Variants in MACROD2 observed in about 807,000 individuals in gnomAD.
The protein encoded by MACROD2 is mono-ADP ribosylhydrolase 2.
MACROD2 carries 36 observed loss-of-function variants against 70.4 expected under a neutral mutation model. That is an observed-to-expected ratio of 0.51 (90% confidence interval 0.39 to 0.68). The LOEUF is 0.68. Ranked by LOEUF, MACROD2 falls within the 30% of genes least tolerant of loss-of-function variation. MACROD2 has a pLI of 0.00. For synonymous variants in MACROD2, 172 were observed against 178.8 expected (o/e 0.96, Z 0.30); for missense variants, 496 against 538.4 (o/e 0.92, Z 0.78).
intron 8 of MACROD2, among the ~76,000 whole-genome samples, chr20:15,646,344 A>G (rs1428864392): frequency 6.6e-6 from 1 of 152,192 alleles, no homozygotes; most frequent in African/African-American, 2.4e-5. Context: ...CATAAATAGT[A>G]TGGGGACATA....
chr20:14,973,940 A>G (rs984542513), intron 5 of MACROD2, among the ~76,000 whole-genome samples: 2 of 152,240 alleles, frequency 1.3e-5, no homozygotes, highest in Non-Finnish European at 2.9e-5. Context: ...CCAAAAAGAA[A>G]GAACATTCAC....
chr20:14,713,940 G>A (rs1442065663), intron 5 of MACROD2, among the ~76,000 whole-genome samples: 1 of 152,130 alleles, frequency 6.6e-6, no homozygotes, highest in Non-Finnish European at 1.5e-5. Flanking sequence ...TTTAGACAGG[G>A]AGAACAGAGG....
intron 13 of MACROD2, among the ~76,000 whole-genome samples, chr20:15,978,237 AC>A (rs1347126850): frequency 6.6e-6 from 1 of 151,736 alleles, no homozygotes; most frequent in East Asian, 1.9e-4. Flanking sequence ...CCCCAGGACC[AC>A]CCCCCTCCCC....
intron 8 of MACROD2, among the ~76,000 whole-genome samples, chr20:15,649,427 C>G (rs957685754): frequency 1.3e-5 from 2 of 151,958 alleles, no homozygotes; most frequent in Non-Finnish European, 2.9e-5. Context: ...CAGTAAAGAC[C>G]ATGCAAGTTC....
chr20:15,271,695 C>T (rs1397260928), intron 6 of MACROD2, among the ~76,000 whole-genome samples: 5 of 152,062 alleles, frequency 3.3e-5, no homozygotes, highest in African/African-American at 9.7e-5. Context: ...TAGGTGAACC[C>T]TACATTTCTA....
rs57212358 is a variant in MACROD2, at chr20:15,759,145, CAAAAAAA to C, written c.646-103585_646-103579del. 2.1e-3 allele frequency among the ~76,000 whole-genome samples: 126 copies of C among 58,928 alleles called. 1 individual carries two copies. The highest frequency in any genetic ancestry group is 8.5e-3 in the African/African-American group (123 of 14,536). 38.7% of individuals were successfully genotyped at this position (58,928 alleles called of 152,430 possible). ...TGGGTGACAGAGCAAGACTCCATCT[CAAAAAAA>C]AAAAAAAAAAAAAACAGAAATGGAC... On this transcript the variant is annotated intron_variant, in intron 8 of 17. Coordinates refer to ENST00000684519, the MANE Select transcript of MACROD2 (RefSeq NM_001351661.2).
chr20:15,106,017 ACTTAG>A (rs1052151567), intron 5 of MACROD2, among the ~76,000 whole-genome samples: 4 of 152,206 alleles, frequency 2.6e-5, no homozygotes, highest in Admixed American at 2.0e-4. Flanking sequence ...TGAATGTGTT[ACTTAG>A]CTTAATTTAA....
intron 7 of MACROD2, among the ~76,000 whole-genome samples, chr20:15,471,692 C>T (rs1271070706): frequency 6.6e-6 from 1 of 152,022 alleles, no homozygotes; most frequent in Admixed American, 6.6e-5. Context: ...TCTTTTCCAC[C>T]ACATTTTTTT....
At chr20:16,016,550 T>C (rs1319456359) in intron 15 of MACROD2, among the ~76,000 whole-genome samples, 9 of 152,224 alleles carry the variant, frequency 5.9e-5, no homozygotes, top group Admixed American at 5.9e-4. Context: ...GGGGTTTTTT[T>C]GTTTGTTTTT....
At chr20:14,913,040 A>G (rs1400709397) in intron 5 of MACROD2, among the ~76,000 whole-genome samples, 1 of 152,104 alleles carries the variant, frequency 6.6e-6, no homozygotes, top group African/African-American at 2.4e-5. Context: ...AATAAAGATG[A>G]AAATGAGGGT....
chr20:14,920,879 A>G (rs1406606728), intron 5 of MACROD2, among the ~76,000 whole-genome samples: 2 of 152,176 alleles, frequency 1.3e-5, no homozygotes, highest in African/African-American at 4.8e-5. Flanking sequence ...ACACATTCAC[A>G]TTAGGAAAGT....
intron 4 of MACROD2, among the ~76,000 whole-genome samples, chr20:14,684,055 C>T (rs888444288): frequency 2.0e-5 from 3 of 152,128 alleles, no homozygotes; most frequent in Admixed American, 1.3e-4. Context: ...ATGTCAAAGG[C>T]GCCCAGATGT....
intron 3 of MACROD2, among the ~76,000 whole-genome samples, chr20:14,188,600 C>T (rs561857941): frequency 5.8e-4 from 89 of 152,158 alleles, no homozygotes; most frequent in African/African-American, 2.0e-3. Flanking sequence ...TTCAGTTTCC[C>T]CACATGGAAA....
intron 5 of MACROD2, among the ~76,000 whole-genome samples, chr20:15,095,860 T>TG (rs2075827496): frequency 1.2e-5 from 1 of 86,040 alleles, no homozygotes; most frequent in African/African-American, 4.3e-5. Context: ...CACCATGTTG[T>TG]TTGTGTGTGT....
At chr20:15,304,189 T>C (rs2077673921) in intron 6 of MACROD2, among the ~76,000 whole-genome samples, 1 of 152,146 alleles carries the variant, frequency 6.6e-6, no homozygotes, top group Admixed American at 6.5e-5. Context: ...AATGCATGAC[T>C]GGGGTTGGAG....
chr20:15,768,150 G>C (rs1342084515), intron 8 of MACROD2, among the ~76,000 whole-genome samples: 1 of 152,080 alleles, frequency 6.6e-6, no homozygotes, highest in African/African-American at 2.4e-5. Flanking sequence ...GTGTGTGTGT[G>C]TGTGTGTGTA....
At chr20:14,823,778 T>C (rs1457823583) in intron 5 of MACROD2, among the ~76,000 whole-genome samples, 1 of 151,030 alleles carries the variant, frequency 6.6e-6, no homozygotes, top group Non-Finnish European at 1.5e-5. Flanking sequence ...GTGGCTTTTT[T>C]TGTTTGTTTG....
At chr20:15,663,859 A>G (rs899058871) in intron 8 of MACROD2, among the ~76,000 whole-genome samples, 5 of 152,116 alleles carry the variant, frequency 3.3e-5, no homozygotes, top group African/African-American at 1.2e-4. Context: ...TCAACATACC[A>G]ACTGCAAAAA....
intron 7 of MACROD2, among the ~76,000 whole-genome samples, chr20:15,496,246 G>GTT (rs1273735528): frequency 6.6e-6 from 1 of 152,248 alleles, no homozygotes; most frequent in African/African-American, 2.4e-5. Context: ...TGAGAGAGCT[G>GTT]TTTAAATCAG....
Sources: gnomAD v4.1 joint callset for allele counts (sites outside exome capture counted in the v4.1 genomes callset) on GRCh38, gnomAD v4.1.1 for gene constraint, MANE v1.5 for transcripts, NCBI Gene and HGNC (gene_info 2026-07-23, HGNC 2026-07-21) for gene names.